Variants in PTGFRN observed in about 807,000 individuals in gnomAD.
PTGFRN encodes prostaglandin F2 receptor negative regulator.
In PTGFRN, 35 loss-of-function variants were observed where a neutral mutation model predicts 83.2. The observed-to-expected ratio is 0.42, with a 90% CI of 0.32 to 0.56. The LOEUF is 0.56. Among genes scored for constraint, PTGFRN ranks in the 20% least tolerant of loss-of-function variants. The probability of loss-of-function intolerance (pLI) is 0.11; values close to 1 mark genes in which losing one functional copy is unlikely to be tolerated. For missense variants in PTGFRN, 1,051 were observed against 1,179.5 expected (o/e 0.89, Z 1.60); for synonymous variants, 519 against 498.6 (o/e 1.04, Z -0.55).
intron 6 of PTGFRN, among the ~76,000 whole-genome samples, chr1:116,971,590 G>A (rs1650993290): frequency 6.6e-6 from 1 of 152,148 alleles, no homozygotes; most frequent in African/African-American, 2.4e-5. Flanking sequence ...CTAAGCCTGG[G>A]ATAATGACCC....
rs931540482 is a variant in PTGFRN at position 116,918,554 on chromosome 1, A to C, written c.49+8302A>C. Among the ~76,000 whole-genome samples, 1 of 152,212 alleles carries C rather than the reference A, an allele frequency of 6.6e-6. No individual in the cohort carries two copies. The highest frequency in any genetic ancestry group is 2.4e-5 in the African/African-American group (1 of 41,448). ...GGATTCAAATGCATGCTAAAGTTTA[A>C]GAAGCATGTCTGGAGGAGGTTTGGC... On this transcript the variant is annotated intron_variant, in intron 1 of 8. Transcript: ENST00000393203. The surrounding 1 kb of genome is among the most constrained non-coding windows in gnomAD (Gnocchi z 4.1).
Position 116,961,752 on chromosome 1 carries a change from G to T in PTGFRN, c.1639+84G>T. 7.7e-7 allele frequency: 1 copy of T among 1,300,158 alleles called. No homozygotes were observed. Among genetic ancestry groups the T allele is most frequent in the Non-Finnish European group, 1.1e-6 (1 of 948,390 alleles). The allele number at this position is 1,300,158 out of a possible 1,614,324, so 80.5% of individuals were successfully genotyped here. ...GTGTGTTGATGCACAGTCACCCTCT[G>T]CAGGTTATCACTTACACTAGGAATG... is the stretch of plus-strand genomic sequence containing the variant. On this transcript the variant is annotated intron_variant, in intron 5 of 8. Transcript: ENST00000393203. This position sits in a 1 kb window ranked among gnomAD's most constrained non-coding sequence, Gnocchi z 5.4.
Position 116,958,069 on chromosome 1 carries a change from A to G in PTGFRN, c.1214-3174A>G, listed in dbSNP as rs904303290. Among the ~76,000 whole-genome samples, 2 of 152,190 alleles carry G rather than the reference A, an allele frequency of 1.3e-5. No homozygotes were observed. The highest frequency in any genetic ancestry group is 6.5e-5 in the Admixed American group (1 of 15,284). On this transcript the variant is annotated intron_variant, in intron 4 of 8. Transcript: ENST00000393203. The surrounding 1 kb of genome is among the most constrained non-coding windows in gnomAD (Gnocchi z 4.9). ...CTTGGCCCTTGTGAATAATGCTGCAATGAACATCTACCATCTTTCATCATA... is the reference window on the plus strand; with the variant it reads ...CTTGGCCCTTGTGAATAATGCTGCAGTGAACATCTACCATCTTTCATCATA...
chr1:116,919,408 C>CT lies in PTGFRN; in HGVS notation c.49+9164dup, dbSNP rs199821656. On this transcript the variant is annotated intron_variant, in intron 1 of 8. Coordinates refer to ENST00000393203, the MANE Select transcript of PTGFRN (RefSeq NM_020440.4). Reference sequence around the variant, plus strand: ...AGGCACTACGCTTTTCTTTTCTTTTCTTTTTTTTAAAGAGAGGGGGTCTCT... The same window carrying CT: ...AGGCACTACGCTTTTCTTTTCTTTTCTTTTTTTTTAAAGAGAGGGGGTCTCT... Among the ~76,000 whole-genome samples, 18 of 151,944 alleles carry CT rather than the reference C, an allele frequency of 1.2e-4. No individual in the cohort carries two copies. The East Asian group carries it at 2.9e-3, about 24-fold the overall frequency.
chr1:116,962,091 T>A (rs2101076808), intron 5 of PTGFRN, among the ~76,000 whole-genome samples: 1 of 152,232 alleles, frequency 6.6e-6, no homozygotes, highest in South Asian at 2.1e-4. Flanking sequence ...GTGGGGCAGG[T>A]GCCCTTCTTG....
At chr1:116,983,291 G>A (rs1651372174) in intron 7 of PTGFRN, among the ~76,000 whole-genome samples, 1 of 152,070 alleles carries the variant, frequency 6.6e-6, no homozygotes, top group South Asian at 2.1e-4. Context: ...GGGGATCAGG[G>A]CTTAGAGTCT....
intron 4 of PTGFRN, among the ~76,000 whole-genome samples, chr1:116,955,647 G>C (rs1441163669): frequency 6.6e-6 from 1 of 152,180 alleles, no homozygotes; most frequent in African/African-American, 2.4e-5. Context: ...GCAGAATGTA[G>C]CAGTAATCAG....
chr1:116,976,139 C>T (rs12239381), intron 7 of PTGFRN, among the ~76,000 whole-genome samples: 15,984 of 151,892 alleles, frequency 0.11, 1,037 homozygotes, highest in African/African-American at 0.17. Flanking sequence ...GAAGATCAAA[C>T]GAATGAAATG....
intron 7 of PTGFRN, among the ~76,000 whole-genome samples, chr1:116,978,596 A>G (rs1235476794): frequency 6.6e-6 from 1 of 152,248 alleles, no homozygotes; most frequent in Non-Finnish European, 1.5e-5. Flanking sequence ...GTAATCCAGC[A>G]TATAAACAGA....
At chr1:116,916,631 T>TA (rs1422199748) in intron 1 of PTGFRN, among the ~76,000 whole-genome samples, 16 of 152,174 alleles carry the variant, frequency 1.1e-4, no homozygotes, top group African/African-American at 3.6e-4. Context: ...GCTGTACAGA[T>TA]ACTGTCATTT....
intron 5 of PTGFRN, among the ~76,000 whole-genome samples, chr1:116,963,024 C>T (rs960088129): frequency 6.6e-6 from 1 of 152,178 alleles, no homozygotes; most frequent in Non-Finnish European, 1.5e-5. Context: ...CACTCCCTTG[C>T]ATACACCCCT....
intron 7 of PTGFRN, chr1:116,974,635 G>C (rs2101085514): frequency 3.3e-6 from 1 of 306,498 alleles, no homozygotes; most frequent in East Asian, 5.4e-5. Flanking sequence ...CTTCTCTTGT[G>C]TCTTTCATTC....
Position 116,952,710 on chromosome 1 carries a change from C to T in PTGFRN, c.1213+3138C>T, listed in dbSNP as rs181626099. On this transcript the variant is annotated intron_variant, in intron 4 of 8. Coordinates refer to ENST00000393203, the MANE Select transcript of PTGFRN (RefSeq NM_020440.4). The surrounding 1 kb of genome is among the most constrained non-coding windows in gnomAD (Gnocchi z 4.0). ...TAACTCTTTCAGCAAGACAAACTTT[C>T]TCTTGGCATTGAATTTATCATGTGC... Among the ~76,000 whole-genome samples, 607 of 152,308 alleles carry T rather than the reference C, an allele frequency of 4.0e-3. 6 individuals are homozygous for T. The highest frequency in any genetic ancestry group is 0.027 in the South Asian group (129 of 4,820).
chr1:116,909,968 G>A lies in PTGFRN; in HGVS notation c.-236G>A, dbSNP rs1181879558. 1.6e-5 allele frequency: 9 copies of A among 554,936 alleles called. No individual in the cohort carries two copies. Among genetic ancestry groups the A allele is most frequent in the Non-Finnish European group, 2.9e-5 (9 of 314,122 alleles). The allele number at this position is 554,936 out of a possible 1,614,324, so 34.4% of individuals were successfully genotyped here. The stretch of plus-strand genomic sequence containing the variant: ...GCTGCACACTCGGATCGGCGGGGCC[G>A]GCTCCCGGGCCCGGCCGGCTGGAGG... On this transcript the variant is annotated 5_prime_UTR_variant, in exon 1 of 9. Coordinates refer to ENST00000393203, the MANE Select transcript of PTGFRN (RefSeq NM_020440.4).
intron 7 of PTGFRN, 77 bp downstream of exon 7, chr1:116,974,400 C>T: frequency 8.8e-7 from 1 of 1,138,484 alleles, no homozygotes; most frequent in Non-Finnish European, 1.3e-6. Flanking sequence ...CTGTGTTACA[C>T]AGATGTGGGT....
chr1:116,940,298 C>T (rs545745226), intron 1 of PTGFRN, among the ~76,000 whole-genome samples: 2 of 152,270 alleles, frequency 1.3e-5, no homozygotes, highest in East Asian at 1.9e-4. Context: ...CTTCTGGTGG[C>T]TTGCTGGCAA....
intron 1 of PTGFRN, among the ~76,000 whole-genome samples, chr1:116,921,311 C>T (rs1286602223): frequency 6.6e-6 from 1 of 152,220 alleles, no homozygotes; most frequent in African/African-American, 2.4e-5. Context: ...CCAGTGTACA[C>T]TACTTTGCTT....
chr1:116,947,135 G>A (rs1374401943), intron 3 of PTGFRN, among the ~76,000 whole-genome samples: 2 of 152,146 alleles, frequency 1.3e-5, no homozygotes, highest in Non-Finnish European at 2.9e-5. Context: ...GTCACACTAG[G>A]CTGATGGTCC....
At chr1:116,954,634 G>A (rs562556145) in intron 4 of PTGFRN, among the ~76,000 whole-genome samples, 3 of 152,342 alleles carry the variant, frequency 2.0e-5, no homozygotes, top group South Asian at 2.1e-4. Context: ...CTTCCGGGAC[G>A]TAGCAGGCTT....
Sources: gnomAD v4.1 joint callset for allele counts (sites outside exome capture counted in the v4.1 genomes callset) on GRCh38, gnomAD v4.1.1 for gene constraint, Gnocchi (gnomAD v3.1) non-coding constraint, MANE v1.5 for transcripts, NCBI Gene and HGNC (gene_info 2026-07-23, HGNC 2026-07-21) for gene names.